TNNI3K: variants seen among roughly 807,000 people sequenced by gnomAD.
The protein encoded by TNNI3K is serine/threonine-protein kinase TNNI3K.
Under a neutral mutation model 114.5 loss-of-function variants are expected in TNNI3K, and 140 were observed. The observed-to-expected ratio is 1.22, with a 90% CI of 1.07 to 1.41. The LOEUF is 1.41. Among genes scored for constraint, TNNI3K ranks in the 40% most tolerant of loss-of-function variants. The pLI, the probability that TNNI3K is intolerant of heterozygous loss-of-function variation, is 0.00. For missense variants in TNNI3K, 1,125 were observed against 1,007.6 expected (o/e 1.12, Z -1.58); for synonymous variants, 347 against 347.5 (o/e 1.00, Z 0.02).
intron 17 of TNNI3K, among the ~76,000 whole-genome samples, chr1:74,386,649 T>G (rs1663495785): frequency 6.6e-6 from 1 of 152,198 alleles, no homozygotes; most frequent in South Asian, 2.1e-4. Flanking sequence ...TCTCAACAAG[T>G]GAAAATTATA....
At chr1:74,406,236 C>G (rs936880856) in intron 17 of TNNI3K, among the ~76,000 whole-genome samples, 2 of 152,216 alleles carry the variant, frequency 1.3e-5, no homozygotes, top group Admixed American at 6.5e-5. Flanking sequence ...CCACAGCCCA[C>G]AGGCTGTGTG....
At chr1:74,250,078 T>G (rs1423543768) in intron 3 of TNNI3K, among the ~76,000 whole-genome samples, 3 of 152,228 alleles carry the variant, frequency 2.0e-5, no homozygotes, top group Non-Finnish European at 4.4e-5. Flanking sequence ...GTTATTGAAT[T>G]AATGAATGAA....
intron 5 of TNNI3K, among the ~76,000 whole-genome samples, chr1:74,295,938 C>A (rs925108206): frequency 2.0e-5 from 3 of 151,990 alleles, no homozygotes; most frequent in African/African-American, 7.3e-5. Flanking sequence ...TTTTACTGGT[C>A]TCTGAGTGGT....
At chr1:74,451,683 TTTTCTTTCTTTCTTTC>T (rs1158598409) in intron 20 of TNNI3K, among the ~76,000 whole-genome samples, 88 of 76,244 alleles carry the variant, frequency 1.2e-3, no homozygotes, top group South Asian at 4.8e-3. Flanking sequence ...TTTTCTTTTC[TTTTCTTTCTTTCTTTC>T]TTTCTTTCTT....
At chr1:74,325,887 C>A (rs1659874683) in intron 5 of TNNI3K, among the ~76,000 whole-genome samples, 2 of 152,120 alleles carry the variant, frequency 1.3e-5, no homozygotes, top group South Asian at 4.1e-4. Flanking sequence ...ATTGATAAGT[C>A]ATCACTTTGG....
In TNNI3K at chr1:74,369,088, T is replaced by C. The variant is rs1245408510; in HGVS notation, c.1388T>C (p.Ile463Thr). Reference sequence around the variant, plus strand: ...CATTTCCATCTTCAGCTCTCAGAAATTGAGTTCCATGAGATTATTGGCTCA... The same window carrying C: ...CATTTCCATCTTCAGCTCTCAGAAACTGAGTTCCATGAGATTATTGGCTCA... Reference protein sequence around the residue: ...PSHFHLQLSEIEFHEIIGSGS... With the variant: ...PSHFHLQLSETEFHEIIGSGS... Residue 463 changes from isoleucine (I) to threonine (T), a missense_variant, in exon 14 of 25, where the codon ATT becomes ACT. By Grantham distance (89) the Ile-to-Thr change is moderately conservative. Transcript: ENST00000326637. 2 of 1,610,668 alleles carry C rather than the reference T, an allele frequency of 1.2e-6. No homozygotes were observed. Among genetic ancestry groups the C allele is most frequent in the South Asian group, 1.1e-5 (1 of 90,370 alleles).
chr1:74,353,199 G>A (rs765152134), intron 9 of TNNI3K, 67 bp from the exon 10 acceptor site: 205 of 1,539,454 alleles, frequency 1.3e-4, no homozygotes, highest in Admixed American at 1.7e-4. Flanking sequence ...AGGTGTAGGG[G>A]AGAGGGCACA....
intron 20 of TNNI3K, among the ~76,000 whole-genome samples, chr1:74,443,044 C>T (rs1379559306): frequency 6.6e-6 from 1 of 151,978 alleles, no homozygotes; most frequent in African/African-American, 2.4e-5. Flanking sequence ...CACTAAATGC[C>T]CACCTCAAAA....
chr1:74,424,268 G>A (rs1232894768), intron 17 of TNNI3K, among the ~76,000 whole-genome samples: 2 of 152,048 alleles, frequency 1.3e-5, no homozygotes, highest in Non-Finnish European at 2.9e-5. Context: ...ATGATATAAA[G>A]CCTAAAAGAT....
intron 4 of TNNI3K, among the ~76,000 whole-genome samples, chr1:74,270,443 A>T (rs1418606030): frequency 6.6e-6 from 1 of 151,792 alleles, no homozygotes; most frequent in Non-Finnish European, 1.5e-5. Context: ...AGCCAATGAA[A>T]GAAGAAAGGT....
At chr1:74,417,171 A>T (rs1014920024) in intron 17 of TNNI3K, among the ~76,000 whole-genome samples, 1 of 152,120 alleles carries the variant, frequency 6.6e-6, no homozygotes, top group African/African-American at 2.4e-5. Context: ...AGGGAAATAT[A>T]CTTGTTCTTA....
chr1:74,359,389 T>C (rs973503049), intron 11 of TNNI3K, among the ~76,000 whole-genome samples: 4 of 152,022 alleles, frequency 2.6e-5, no homozygotes, highest in African/African-American at 9.7e-5. Context: ...TCCTAATTTA[T>C]AACATGTACA....
chr1:74,329,184 C>T (rs992568660), intron 5 of TNNI3K, among the ~76,000 whole-genome samples: 6 of 152,062 alleles, frequency 3.9e-5, no homozygotes, highest in Non-Finnish European at 7.4e-5. Context: ...TTGAATTTCA[C>T]TTCTGCTCCC....
At chr1:74,480,535 T>A in intron 21 of TNNI3K, 1 of 717,466 alleles carries the variant, frequency 1.4e-6, no homozygotes, top group Middle Eastern at 2.3e-4. Context: ...GGAAGGCATC[T>A]TTCCCAATGT....
In TNNI3K at chr1:74,237,900, G is replaced by A. The variant is rs148060709; in HGVS notation, c.149+1690G>A. ...TGTGCCGAATAATATTAACTCCGGT[G>A]GATGATAAACTAAGGATTAGAGACA... On this transcript the variant is annotated intron_variant, in intron 2 of 24. Coordinates refer to ENST00000326637, the MANE Select transcript of TNNI3K (RefSeq NM_015978.3). 3.7e-3 allele frequency among the ~76,000 whole-genome samples: 566 copies of A among 152,046 alleles called. 3 individuals carry two copies. Among genetic ancestry groups the A allele is most frequent in the African/African-American group, 0.013 (534 of 41,514 alleles).
intron 21 of TNNI3K, chr1:74,464,755 G>T: frequency 6.4e-7 from 1 of 1,561,466 alleles, no homozygotes; most frequent in East Asian, 2.3e-5. Flanking sequence ...TCTTATCCTG[G>T]CCATTCAACC....
In TNNI3K at chr1:74,465,001, T is replaced by C. The variant is rs988198740; in HGVS notation, c.2121+1451T>C. ...ATTTCATCTTGAAAATTACATCACA[T>C]AAAATAGTTTAGGAAAACATTTTCT... On this transcript the variant is annotated intron_variant, in intron 21 of 24. Transcript: ENST00000326637. 1.2e-5 allele frequency: 14 copies of C among 1,167,590 alleles called. No individual in the cohort carries two copies. In the Admixed American group the frequency reaches 4.1e-4, roughly 34 times the overall value. 72.3% of individuals were successfully genotyped at this position (1,167,590 alleles called of 1,614,324 possible). A position where few individuals can be genotyped will look rare whatever the true frequency, so the allele number is the denominator to read the frequency against.
At chr1:74,464,841 TG>T in intron 21 of TNNI3K, 1 of 1,432,666 alleles carries the variant, frequency 7.0e-7, no homozygotes, top group Non-Finnish European at 9.2e-7. Flanking sequence ...CGGTCCTTTT[TG>T]TTTATTTTGT....
At chr1:74,266,356 A>T (rs1655988132) in intron 4 of TNNI3K, among the ~76,000 whole-genome samples, 1 of 152,012 alleles carries the variant, frequency 6.6e-6, no homozygotes, top group Non-Finnish European at 1.5e-5. Context: ...CAGATTTGTT[A>T]CGTTATAGAT....
Sources: allele counts gnomAD v4.1 joint callset (sites outside exome capture counted in the v4.1 genomes callset), GRCh38; gene constraint gnomAD v4.1.1; transcripts MANE v1.5; gene names NCBI Gene and HGNC (gene_info 2026-07-23, HGNC 2026-07-21).